IGF2BP2: variants seen among roughly 807,000 people sequenced by gnomAD.
IGF2BP2 encodes the protein insulin-like growth factor 2 mRNA-binding protein 2.
IGF2BP2 carries 17 observed loss-of-function variants against 75.8 expected under a neutral mutation model. The observed-to-expected ratio is 0.22, with a 90% CI of 0.15 to 0.34. The LOEUF (loss-of-function observed/expected upper bound fraction) is 0.34. Ranked by LOEUF, IGF2BP2 falls within the 10% of genes least tolerant of loss-of-function variation. The probability of loss-of-function intolerance (pLI) is 1.00; values close to 1 mark genes in which losing one functional copy is unlikely to be tolerated. For synonymous variants in IGF2BP2, 288 were observed against 295.6 expected, an observed-to-expected ratio of 0.97 and a Z score of 0.26; for missense variants, 516 against 772.4, an observed-to-expected ratio of 0.67 and a Z score of 3.93.
intron 4 of IGF2BP2, among the ~76,000 whole-genome samples, chr3:185,693,999 C>A (rs1722265711): frequency 6.6e-6 from 1 of 152,162 alleles, no homozygotes; most frequent in African/African-American, 2.4e-5. Flanking sequence ...CCCCGAAAAG[C>A]TTAAGGACTA....
intron 4 of IGF2BP2, among the ~76,000 whole-genome samples, chr3:185,695,883 G>A (rs1722513587): frequency 6.6e-6 from 1 of 151,990 alleles, no homozygotes; most frequent in African/African-American, 2.4e-5. Flanking sequence ...CACCTCCCAG[G>A]CTCAAGCGAT....
chr3:185,675,013 T>C (rs986298241), intron 9 of IGF2BP2: 44 of 160,396 alleles, frequency 2.7e-4, no homozygotes, highest in Admixed American at 1.3e-3. Context: ...GCTTTTCTTT[T>C]TTTTTTTTTT....
chr3:185,696,258 T>C (rs1417808910), intron 4 of IGF2BP2, among the ~76,000 whole-genome samples: 1 of 152,220 alleles, frequency 6.6e-6, no homozygotes, highest in Non-Finnish European at 1.5e-5. Flanking sequence ...GATCTGTTTT[T>C]CTTATCCAGG....
At chr3:185,664,419 A>G (rs971666918) in intron 10 of IGF2BP2, among the ~76,000 whole-genome samples, 3 of 152,194 alleles carry the variant, frequency 2.0e-5, no homozygotes, top group Non-Finnish European at 2.9e-5. Context: ...GGACAATTAA[A>G]ATCCATTAGA....
At chr3:185,787,676 T>C (rs1193010783) in intron 2 of IGF2BP2, among the ~76,000 whole-genome samples, 2 of 151,760 alleles carry the variant, frequency 1.3e-5, no homozygotes, top group Non-Finnish European at 2.9e-5. Flanking sequence ...GAGGCTTCAG[T>C]GAGCTAAGAT....
intron 6 of IGF2BP2, among the ~76,000 whole-genome samples, chr3:185,688,682 C>G (rs146014747): frequency 6.6e-6 from 1 of 152,174 alleles, no homozygotes; most frequent in Non-Finnish European, 1.5e-5. Flanking sequence ...GAAGAGGCAA[C>G]TGATGCTCAG....
chr3:185,776,661 A>T (rs1336899697), intron 2 of IGF2BP2, among the ~76,000 whole-genome samples: 1 of 152,206 alleles, frequency 6.6e-6, no homozygotes, highest in Non-Finnish European at 1.5e-5. Flanking sequence ...AATGCAGCCA[A>T]AGCCACAGCA....
chr3:185,799,121 C>T (rs1560488282), intron 2 of IGF2BP2, among the ~76,000 whole-genome samples: 2 of 147,828 alleles, frequency 1.4e-5, no homozygotes, highest in African/African-American at 4.9e-5. Flanking sequence ...AGCTGCAGGC[C>T]GGGCACAGTG....
At chr3:185,769,517 TACAG>T (rs1379850982) in intron 2 of IGF2BP2, among the ~76,000 whole-genome samples, 2 of 152,082 alleles carry the variant, frequency 1.3e-5, no homozygotes, top group Non-Finnish European at 1.5e-5. Flanking sequence ...AAGTGCATTT[TACAG>T]ACAGAGAAAT....
rs71164535 is a variant in IGF2BP2 at position 185,677,068 on chromosome 3, TAGAGAG to T, written c.813-1161_813-1156del. Among the ~76,000 whole-genome samples, 322 of 35,842 alleles carry T rather than the reference TAGAGAG, an allele frequency of 9.0e-3. 9 individuals carry two copies. Among genetic ancestry groups the T allele is most frequent in the Non-Finnish European group, 0.01 (220 of 21,518 alleles). The allele number at this position is 35,842 out of a possible 152,430, so 23.5% of individuals were successfully genotyped here. On this transcript the variant is annotated intron_variant, in intron 7 of 15. Coordinates refer to ENST00000382199, the MANE Select transcript of IGF2BP2 (RefSeq NM_006548.6). ...AGATATATATATATATATATATATA[TAGAGAG>T]AGAGAGAGAGAGAGAGAGAGAGAGA...
chr3:185,783,403 C>T (rs1735458757), intron 2 of IGF2BP2, among the ~76,000 whole-genome samples: 1 of 152,160 alleles, frequency 6.6e-6, no homozygotes, highest in African/African-American at 2.4e-5. Flanking sequence ...GGTAGAAAGC[C>T]ACTGTGATTG....
intron 10 of IGF2BP2, among the ~76,000 whole-genome samples, chr3:185,662,803 A>T (rs1300670673): frequency 6.6e-6 from 1 of 152,028 alleles, no homozygotes; most frequent in Non-Finnish European, 1.5e-5. Context: ...ACGGCCTCCC[A>T]AAGTGCTGGA....
At chr3:185,738,092 C>T (rs569952360) in intron 2 of IGF2BP2, among the ~76,000 whole-genome samples, 2 of 152,256 alleles carry the variant, frequency 1.3e-5, no homozygotes, top group South Asian at 4.1e-4. Context: ...TAATGAATTG[C>T]TTTTAGAATT....
chr3:185,687,679 T>G (rs1304831807), intron 6 of IGF2BP2, among the ~76,000 whole-genome samples: 3 of 152,270 alleles, frequency 2.0e-5, no homozygotes, highest in Non-Finnish European at 4.4e-5. Context: ...GCCCTCTCTC[T>G]GCCTAAGTTT....
At chr3:185,684,844 GA>G (rs766791127) in intron 7 of IGF2BP2, among the ~76,000 whole-genome samples, 162 of 141,528 alleles carry the variant, frequency 1.1e-3, no homozygotes, top group Middle Eastern at 7.3e-3. Context: ...TGTGGGGAAG[GA>G]AAAAAAAAAA....
At chr3:185,702,072 G>A (rs1343595915) in intron 2 of IGF2BP2, among the ~76,000 whole-genome samples, 3 of 152,106 alleles carry the variant, frequency 2.0e-5, no homozygotes, top group Admixed American at 6.5e-5. Flanking sequence ...TGCACTTTTC[G>A]GTTGTTCTGG....
At chr3:185,716,971 T>C (rs1725733657) in intron 2 of IGF2BP2, 2 of 378,078 alleles carry the variant, frequency 5.3e-6, no homozygotes, top group Non-Finnish European at 1.0e-5. Flanking sequence ...CACCACCCAG[T>C]ACTGTACATG....
At chr3:185,789,135 G>C (rs547621115) in intron 2 of IGF2BP2, among the ~76,000 whole-genome samples, 1 of 152,262 alleles carries the variant, frequency 6.6e-6, no homozygotes, top group South Asian at 2.1e-4. Context: ...CGGGATTACA[G>C]GCACCAGCAT....
chr3:185,678,428 G>A (rs952186820), intron 7 of IGF2BP2, among the ~76,000 whole-genome samples: 6 of 152,174 alleles, frequency 3.9e-5, no homozygotes, highest in Admixed American at 3.9e-4. Flanking sequence ...CACTTGACAA[G>A]CTCTACAAAA....
Sources: gnomAD v4.1 joint callset for allele counts (sites outside exome capture counted in the v4.1 genomes callset) on GRCh38, gnomAD v4.1.1 for gene constraint, MANE v1.5 for transcripts, NCBI Gene and HGNC (gene_info 2026-07-23, HGNC 2026-07-21) for gene names.